Variants in INTS9 observed in about 807,000 individuals in gnomAD.
The protein encoded by INTS9 is protein related to CPSF subunits of 74 kDa.
In INTS9, 55 loss-of-function variants were observed where a neutral mutation model predicts 79.7. The ratio of observed to expected loss-of-function variants is 0.69; its 90% CI spans 0.56 to 0.86. The LOEUF (loss-of-function observed/expected upper bound fraction) is 0.86. Ranked by LOEUF, INTS9 falls within the 40% of genes least tolerant of loss-of-function variation. The pLI, the probability that INTS9 is intolerant of heterozygous loss-of-function variation, is 0.00. For missense variants in INTS9, 721 were observed against 831.5 expected (o/e 0.87, Z 1.64); for synonymous variants, 319 against 325.2 (o/e 0.98, Z 0.20).
At chr8:28,840,162 A>G (rs1484562698) in intron 4 of INTS9, among the ~76,000 whole-genome samples, 5 of 149,694 alleles carry the variant, frequency 3.3e-5, no homozygotes, top group East Asian at 3.9e-4. Flanking sequence ...AAAAGAAGAC[A>G]TTTATGCAGC....
At chr8:28,862,767 T>TAGC (rs1459950263) in intron 1 of INTS9, among the ~76,000 whole-genome samples, 1 of 152,230 alleles carries the variant, frequency 6.6e-6, no homozygotes, top group African/African-American at 2.4e-5. Flanking sequence ...ACCCTAGTAG[T>TAGC]AGCCATGTAG....
rs769982995 is a variant in INTS9, at chr8:28,771,097, C to T, written c.1564-17G>A. ...ATCTGCGAGCTGAAAGCAAAGGGCG[C>T]AGTTCAGGCTGGGGGCCTTTAATGA... On this transcript the variant is annotated splice_polypyrimidine_tract_variant and intron_variant, in intron 14 of 16. Coordinates refer to ENST00000521022, the MANE Select transcript of INTS9 (RefSeq NM_018250.4). The T allele has an allele frequency of 2.3e-5, 36 of 1,574,900 alleles. No homozygotes were observed. In the East Asian group the frequency reaches 3.2e-4, roughly 14 times the overall value.
chr8:28,775,413 T>G (rs1802807445), intron 14 of INTS9, among the ~76,000 whole-genome samples: 1 of 151,874 alleles, frequency 6.6e-6, no homozygotes, highest in Admixed American at 6.6e-5. Flanking sequence ...CTCGGCTCAC[T>G]GCAACCTCCA....
chr8:28,849,705 A>G (rs1807721030), intron 3 of INTS9, among the ~76,000 whole-genome samples: 1 of 152,130 alleles, frequency 6.6e-6, no homozygotes, highest in Non-Finnish European at 1.5e-5. Context: ...TGACAATGCC[A>G]CTGTCCTTCT....
chr8:28,833,649 C>A (rs1374783774), intron 6 of INTS9, among the ~76,000 whole-genome samples: 2 of 144,032 alleles, frequency 1.4e-5, no homozygotes, highest in African/African-American at 2.6e-5. Flanking sequence ...AAAACAAAAA[C>A]CAAAAAAAAA....
At chr8:28,777,003 T>A (rs1160088767) in intron 13 of INTS9, among the ~76,000 whole-genome samples, 3 of 152,174 alleles carry the variant, frequency 2.0e-5, no homozygotes, top group Non-Finnish European at 4.4e-5. Flanking sequence ...GTGCCAGTAT[T>A]CTTTCTTCAT....
chr8:28,798,964 C>T (rs1421861656), intron 8 of INTS9, among the ~76,000 whole-genome samples: 1 of 152,140 alleles, frequency 6.6e-6, no homozygotes, highest in African/African-American at 2.4e-5. Context: ...GACTCTCTCC[C>T]TCTCAAATAA....
At chr8:28,784,681 G>A (rs1209322155) in intron 11 of INTS9, among the ~76,000 whole-genome samples, 2 of 152,172 alleles carry the variant, frequency 1.3e-5, no homozygotes, top group African/African-American at 4.8e-5. Flanking sequence ...AGTAAAAACA[G>A]TCTACCTGCC....
chr8:28,859,081 T>G (rs1808318493), intron 2 of INTS9, among the ~76,000 whole-genome samples: 1 of 151,814 alleles, frequency 6.6e-6, no homozygotes, highest in Non-Finnish European at 1.5e-5. Context: ...GTTAAGTCTC[T>G]GCAAAGGCTG....
At chr8:28,885,337 CTCTGCAGAGCGCCATGGAT>C (rs1368479277) in intron 1 of INTS9, among the ~76,000 whole-genome samples, 1 of 152,164 alleles carries the variant, frequency 6.6e-6, no homozygotes, top group Non-Finnish European at 1.5e-5. Flanking sequence ...ACAAGCCGGC[CTCTGCAGAGCGCCATGGAT>C]TCTGAGGCAC....
At chr8:28,876,822 C>G (rs1809421089) in intron 1 of INTS9, among the ~76,000 whole-genome samples, 1 of 151,808 alleles carries the variant, frequency 6.6e-6, no homozygotes, top group Admixed American at 6.6e-5. Flanking sequence ...ATATGAAAAC[C>G]ACACAGGAAA....
In INTS9 at chr8:28,781,859, G is replaced by A. The variant is rs184245247; in HGVS notation, c.1099-865C>T. On this transcript the variant is annotated intron_variant, in intron 11 of 16. Coordinates refer to ENST00000521022, the MANE Select transcript of INTS9 (RefSeq NM_018250.4). ...TGTGATGATGTAATGGTGGATCCAG[G>A]TCACTGTTCATTTGTTCAAAACCAT... Among the ~76,000 whole-genome samples the A allele has an allele frequency of 1.5e-3, 222 of 152,276 alleles. 3 individuals carry two copies. The highest frequency in any genetic ancestry group is 0.013 in the Admixed American group (194 of 15,300).
In INTS9 at chr8:28,823,692, G is replaced by C. The variant is rs1369533546; in HGVS notation, c.489-10080C>G. 2.0e-5 allele frequency among the ~76,000 whole-genome samples: 3 copies of C among 152,306 alleles called. No homozygotes were observed. The East Asian group carries it at 5.8e-4, about 29-fold the overall frequency. ...TTACAAACATATTGAGGAGAGACAA[G>C]TAGGGAAAGAGTATAGAGACAATAG... On this transcript the variant is annotated intron_variant, in intron 6 of 16. Transcript: ENST00000521022.
intron 12 of INTS9, 89 bp downstream of exon 12, chr8:28,780,734 A>G: frequency 1.3e-6 from 2 of 1,537,936 alleles, no homozygotes; most frequent in South Asian, 1.2e-5. Flanking sequence ...CTCACTGCAA[A>G]ATCCTTCCCT....
At chr8:28,887,025 C>T (rs1810205785) in intron 1 of INTS9, among the ~76,000 whole-genome samples, 1 of 152,104 alleles carries the variant, frequency 6.6e-6, no homozygotes, top group African/African-American at 2.4e-5. Context: ...CAATTATTTA[C>T]ACAGAATCTA....
At chr8:28,773,037 C>T (rs2130853618) in intron 14 of INTS9, among the ~76,000 whole-genome samples, 1 of 152,296 alleles carries the variant, frequency 6.6e-6, no homozygotes, top group South Asian at 2.1e-4. Flanking sequence ...AAGGGATGTT[C>T]ATAATCTTTG....
chr8:28,874,568 C>T (rs1385107164), intron 1 of INTS9, among the ~76,000 whole-genome samples: 3 of 152,130 alleles, frequency 2.0e-5, no homozygotes, highest in Non-Finnish European at 4.4e-5. Flanking sequence ...GCTAGGATTA[C>T]AGGCATGAGC....
chr8:28,813,707 T>C, intron 6 of INTS9, 95 bp from the exon 7 acceptor site: 1 of 1,314,008 alleles, frequency 7.6e-7, no homozygotes, highest in Non-Finnish European at 1.1e-6. Context: ...TCCAAATGGT[T>C]TAATTTACTG....
chr8:28,830,687 C>T (rs1220725177), intron 6 of INTS9, among the ~76,000 whole-genome samples: 1 of 150,554 alleles, frequency 6.6e-6, no homozygotes, highest in Non-Finnish European at 1.5e-5. Flanking sequence ...AGTATTTATG[C>T]TGAGTTTATC....
Sources: gnomAD v4.1 joint callset for allele counts (sites outside exome capture counted in the v4.1 genomes callset) on GRCh38, gnomAD v4.1.1 for gene constraint, MANE v1.5 for transcripts, NCBI Gene and HGNC (gene_info 2026-07-23, HGNC 2026-07-21) for gene names.